Variants in PCCA observed in about 807,000 individuals in gnomAD.
PCCA encodes propionyl-CoA carboxylase alpha chain, mitochondrial.
In PCCA, 74 loss-of-function variants were observed where a neutral mutation model predicts 101.3. The observed-to-expected ratio is 0.73, with a 90% CI of 0.61 to 0.89. The LOEUF (loss-of-function observed/expected upper bound fraction) is 0.89, where lower values mean the gene tolerates loss of function less well. Among genes scored for constraint, PCCA ranks in the 40% least tolerant of loss-of-function variants. PCCA has a pLI of 0.00. For synonymous variants in PCCA, 294 were observed against 313.6 expected (o/e 0.94, Z 0.66); for missense variants, 891 against 907.0 (o/e 0.98, Z 0.23).
intron 20 of PCCA, among the ~76,000 whole-genome samples, chr13:100,436,199 A>G (rs2079921931): frequency 6.6e-6 from 1 of 152,210 alleles, no homozygotes. Context: ...TACTCACCTC[A>G]TGTAAATGAA....
At chr13:100,095,335 A>T (rs925548650) in intron 1 of PCCA, among the ~76,000 whole-genome samples, 10 of 152,220 alleles carry the variant, frequency 6.6e-5, no homozygotes, top group African/African-American at 2.2e-4. Flanking sequence ...TTTAGGGGCT[A>T]TCGTTCAATT....
intron 21 of PCCA, among the ~76,000 whole-genome samples, chr13:100,450,742 A>T (rs947928824): frequency 6.6e-6 from 1 of 152,234 alleles, no homozygotes; most frequent in African/African-American, 2.4e-5. Context: ...TAATTTATGT[A>T]TATAAAGTAT....
At position 100,495,016 on chromosome 13, in the gene PCCA, C is replaced by G. The variant is rs189737150; in HGVS notation, c.1900-20411C>G. Among the ~76,000 whole-genome samples, 57 of 152,198 alleles carry G rather than the reference C, an allele frequency of 3.7e-4. No individual in the cohort carries two copies. The East Asian group carries it at 4.2e-3, about 11-fold the overall frequency. ...AGAGAAATTTGCTGGTAGGAGGGAC[C>G]TTAGAGGTGCGATTCTCAACCGGGG... On this transcript the variant is annotated intron_variant, in intron 21 of 23. Coordinates refer to ENST00000376285, the MANE Select transcript of PCCA (RefSeq NM_000282.4).
At chr13:100,184,227 T>A (rs2057049033) in intron 6 of PCCA, among the ~76,000 whole-genome samples, 1 of 152,126 alleles carries the variant, frequency 6.6e-6, no homozygotes, top group Non-Finnish European at 1.5e-5. Context: ...TTTGTTTGTT[T>A]CTCTTTCTCC....
chr13:100,486,873 C>A (rs117596581), intron 21 of PCCA, among the ~76,000 whole-genome samples: 5,821 of 152,244 alleles, frequency 0.038, 178 homozygotes, highest in Admixed American at 0.082. Flanking sequence ...GAGCTGTGAT[C>A]GTACCACTGC....
intron 21 of PCCA, among the ~76,000 whole-genome samples, chr13:100,501,716 A>AC (rs1399510881): frequency 7.2e-6 from 1 of 139,830 alleles, no homozygotes; most frequent in Non-Finnish European, 1.6e-5. Flanking sequence ...TACTAAAAAT[A>AC]CAAAAAAATT....
At chr13:100,419,005 GT>G (rs1258472519) in intron 19 of PCCA, among the ~76,000 whole-genome samples, 1 of 151,066 alleles carries the variant, frequency 6.6e-6, no homozygotes, top group Non-Finnish European at 1.5e-5. Context: ...TCACCCCAGG[GT>G]TTTTTTCTTT....
chr13:100,526,509 G>T (rs998178408), intron 22 of PCCA, among the ~76,000 whole-genome samples: 1 of 151,998 alleles, frequency 6.6e-6, no homozygotes, highest in Non-Finnish European at 1.5e-5. Flanking sequence ...TGCGCCACAC[G>T]GGGGGGCCAG....
chr13:100,133,411 C>T (rs1363908615), intron 4 of PCCA, among the ~76,000 whole-genome samples: 1 of 152,132 alleles, frequency 6.6e-6, no homozygotes, highest in Non-Finnish European at 1.5e-5. Context: ...ATAAAGTCAG[C>T]TGATCACTTT....
rs530656900 is a variant in PCCA, at chr13:100,376,603, A to G, written c.1746+8029A>G. 7.2e-5 allele frequency among the ~76,000 whole-genome samples: 11 copies of G among 152,296 alleles called. No individual in the cohort carries two copies. In the South Asian group the frequency reaches 2.3e-3, roughly 32 times the overall value. ...GCGACAGCGGCTTTACCAAGCTGCC[A>G]TGGCTTTGTTTATTCTCTGAGGGGA... On this transcript the variant is annotated intron_variant, in intron 19 of 23. Coordinates refer to ENST00000376285, the MANE Select transcript of PCCA (RefSeq NM_000282.4).
intron 4 of PCCA, among the ~76,000 whole-genome samples, chr13:100,135,706 G>A (rs2051078723): frequency 6.6e-6 from 1 of 152,210 alleles, no homozygotes; most frequent in African/African-American, 2.4e-5. Context: ...AGGAAGAGGA[G>A]TAGCAGTGGT....
At chr13:100,384,368 A>C (rs994541247) in intron 19 of PCCA, among the ~76,000 whole-genome samples, 2 of 152,218 alleles carry the variant, frequency 1.3e-5, no homozygotes, top group Admixed American at 1.3e-4. Context: ...GTTTTTGTGT[A>C]ACGTTTTCAT....
At position 100,301,546 on chromosome 13, in the gene PCCA, C is replaced by T. The variant is rs921665208; in HGVS notation, c.1152C>T (p.His384=). ...IRVAKGYPLR[H]KQADIRINGW... ...TTGCTAAGGGCTACCCTCTCAGGCA[C>T]AAACAAGCTGATATTCGCATCAACG... is the stretch of plus-strand genomic sequence containing the variant. Residue 384 remains histidine (H), a synonymous_variant, in exon 13 of 24, where the codon CAC becomes CAT. Coordinates refer to ENST00000376285, the MANE Select transcript of PCCA (RefSeq NM_000282.4). 1.9e-6 allele frequency: 3 copies of T among 1,613,950 alleles called. No homozygotes were observed. Among genetic ancestry groups the T allele is most frequent in the Non-Finnish European group, 2.5e-6 (3 of 1,179,972 alleles).
At chr13:100,201,857 C>CAAAAAAAAAAAAAAA in intron 6 of PCCA, among the ~76,000 whole-genome samples, 1 of 60,732 alleles carries the variant, frequency 1.6e-5, no homozygotes, top group Non-Finnish European at 2.8e-5. Flanking sequence ...AACTGCGTCT[C>CAAAAAAAAAAAAAAA]AAAAAAAAAA....
At chr13:100,099,466 T>C (rs1480248189) in intron 1 of PCCA, among the ~76,000 whole-genome samples, 1 of 151,838 alleles carries the variant, frequency 6.6e-6, no homozygotes, top group Non-Finnish European at 1.5e-5. Flanking sequence ...TACAGGCGCC[T>C]GCCACCACAC....
At chr13:100,376,744 G>A (rs1039075884) in intron 19 of PCCA, among the ~76,000 whole-genome samples, 10 of 152,308 alleles carry the variant, frequency 6.6e-5, no homozygotes, top group African/African-American at 1.7e-4. Context: ...GCTGGGCTCC[G>A]TGGGGCTGGG....
In PCCA at chr13:100,167,752, A is replaced by G. The variant is rs931710775; in HGVS notation, c.468+10412A>G. Among the ~76,000 whole-genome samples the G allele has an allele frequency of 4.9e-4, 75 of 152,174 alleles. 2 individuals carry two copies. Among genetic ancestry groups the G allele is most frequent in the African/African-American group, 1.5e-3 (63 of 41,524 alleles). On this transcript the variant is annotated intron_variant, in intron 6 of 23. Transcript: ENST00000376285. ...ATGTGGCTATTCAGTTTGCTATACA[A>G]TCTCTTGAAGAGGTTATCCCTTCCT...
intron 21 of PCCA, among the ~76,000 whole-genome samples, chr13:100,463,620 C>T (rs539881643): frequency 7.9e-5 from 12 of 152,176 alleles, no homozygotes; most frequent in African/African-American, 2.2e-4. Context: ...AGGGAAATTT[C>T]TGGTCTGGAG....
At position 100,245,231 on chromosome 13, in the gene PCCA, C is replaced by T. The variant is rs560641269; in HGVS notation, c.637+9353C>T. On this transcript the variant is annotated intron_variant, in intron 8 of 23. Transcript: ENST00000376285. The stretch of plus-strand genomic sequence containing the variant: ...TGCATTGATAGTAGAGTGTATTTCC[C>T]CAATTTGTTTGAATTTAAACTGTTT... 3.3e-5 allele frequency among the ~76,000 whole-genome samples: 5 copies of T among 152,108 alleles called. No homozygotes were observed. In the South Asian group the frequency reaches 1.0e-3, roughly 32 times the overall value.
Sources: allele counts gnomAD v4.1 joint callset (sites outside exome capture counted in the v4.1 genomes callset), GRCh38; gene constraint gnomAD v4.1.1; transcripts MANE v1.5; gene names NCBI Gene and HGNC (gene_info 2026-07-23, HGNC 2026-07-21).